FKBP5: variants seen among roughly 807,000 people sequenced by gnomAD.
FKBP5 encodes the protein FKBP prolyl isomerase 5, also known as peptidyl-prolyl cis-trans isomerase FKBP5.
A neutral mutation model predicts 50.5 loss-of-function variants in FKBP5; 23 were observed. The ratio of observed to expected loss-of-function variants is 0.46; its 90% confidence interval spans 0.33 to 0.65. FKBP5 has a LOEUF of 0.65. Among genes scored for constraint, FKBP5 ranks in the 30% least tolerant of loss-of-function variants. The probability of loss-of-function intolerance (pLI) is 0.02; values close to 1 mark genes in which losing one functional copy is unlikely to be tolerated. For missense variants in FKBP5, 411 were observed against 553.1 expected, an observed-to-expected ratio of 0.74 and a Z score of 2.58; for synonymous variants, 176 against 190.6, an observed-to-expected ratio of 0.92 and a Z score of 0.63.
chr6:35,679,134 G>C (rs1043158873), intron 1 of FKBP5, among the ~76,000 whole-genome samples: 1 of 152,164 alleles, frequency 6.6e-6, no homozygotes, highest in Non-Finnish European at 1.5e-5. Context: ...AATGAATCTG[G>C]GGAATGGGTA....
At chr6:35,689,352 C>A (rs1027263595), upstream of FKBP5, among the ~76,000 whole-genome samples, 108 of 152,306 alleles carry the variant, frequency 7.1e-4, no homozygotes, top group African/African-American at 2.4e-3. Context: ...GTTAGGTCAG[C>A]TGGCCAGGTT....
intron 3 of FKBP5, among the ~76,000 whole-genome samples, chr6:35,629,717 T>C (rs1472879083): frequency 3.9e-5 from 6 of 152,168 alleles, no homozygotes; most frequent in African/African-American, 1.2e-4. Flanking sequence ...CGAATTTAAA[T>C]GGAGTGAGAA....
intron 5 of FKBP5, among the ~76,000 whole-genome samples, chr6:35,612,045 T>C (rs185197212): frequency 6.6e-6 from 1 of 152,252 alleles, no homozygotes; most frequent in East Asian, 1.9e-4. Context: ...CTAATAACCA[T>C]GGTAGGTAGA....
intron 3 of FKBP5, among the ~76,000 whole-genome samples, chr6:35,625,324 G>T (rs1334684501): frequency 1.3e-5 from 2 of 151,984 alleles, no homozygotes; most frequent in Non-Finnish European, 2.9e-5. Flanking sequence ...ACCTCAAGTG[G>T]TCTGCCCACC....
At chr6:35,728,339 G>T (rs1043028761) in intron 1 of FKBP5, among the ~76,000 whole-genome samples, 1 of 152,156 alleles carries the variant, frequency 6.6e-6, no homozygotes, top group East Asian at 1.9e-4. Context: ...CACGTGGCCG[G>T]TTTGCGCATC....
At chr6:35,609,518 C>A (rs1376435278) in intron 5 of FKBP5, among the ~76,000 whole-genome samples, 3 of 152,164 alleles carry the variant, frequency 2.0e-5, no homozygotes, top group Non-Finnish European at 4.4e-5. Context: ...GGGTGAAAAA[C>A]CACTCCTTCC....
At chr6:35,699,473 C>T (rs959964498) in intron 2 of FKBP5, among the ~76,000 whole-genome samples, 6 of 152,198 alleles carry the variant, frequency 3.9e-5, no homozygotes, top group Non-Finnish European at 7.3e-5. Context: ...TACTCTCTAT[C>T]ACAGTCCATC....
intron 8 of FKBP5, chr6:35,580,971 C>T (rs1289085302): frequency 1.0e-6 from 1 of 985,186 alleles, no homozygotes; most frequent in East Asian, 1.1e-4. Flanking sequence ...GTTCCAAACA[C>T]AGCCAATCCT....
chr6:35,593,699 C>T (rs1021322657), intron 6 of FKBP5, among the ~76,000 whole-genome samples: 1 of 152,104 alleles, frequency 6.6e-6, no homozygotes, highest in Non-Finnish European at 1.5e-5. Flanking sequence ...GAATTACAGG[C>T]ATGCACCACC....
At chr6:35,668,017 G>T (rs1015283350) in intron 1 of FKBP5, among the ~76,000 whole-genome samples, 3 of 152,046 alleles carry the variant, frequency 2.0e-5, no homozygotes, top group African/African-American at 7.2e-5. Context: ...AATTAGCTAA[G>T]AACATTCAAA....
At chr6:35,703,444 T>C (rs1430829641) in intron 2 of FKBP5, among the ~76,000 whole-genome samples, 1 of 152,028 alleles carries the variant, frequency 6.6e-6, no homozygotes, top group African/African-American at 2.4e-5. Context: ...TCCCAACACA[T>C]AGAAATGATA....
intron 2 of FKBP5, among the ~76,000 whole-genome samples, chr6:35,701,203 T>G (rs1045919848): frequency 3.9e-4 from 58 of 146,986 alleles, no homozygotes; most frequent in African/African-American, 1.3e-3. Context: ...AGTGCTGTGT[T>G]TTTGTTTGTT....
chr6:35,587,182 G>C, intron 7 of FKBP5, 65 bp from the exon 8 acceptor site: 1 of 1,393,362 alleles, frequency 7.2e-7, no homozygotes, highest in East Asian at 2.3e-5. Flanking sequence ...AGGCCTATTG[G>C]AACAAAGAGC....
At chr6:35,576,961 G>T (rs746377759) in intron 10 of FKBP5, 33 bp downstream of exon 10, 1 of 1,607,406 alleles carries the variant, frequency 6.2e-7, no homozygotes, top group South Asian at 1.1e-5. Context: ...TCAGGCTCTT[G>T]ATCCACCTGC....
At chr6:35,708,138 A>C (rs541993555) in intron 2 of FKBP5, among the ~76,000 whole-genome samples, 1 of 152,370 alleles carries the variant, frequency 6.6e-6, no homozygotes, top group East Asian at 1.9e-4. Context: ...AAATATTCCC[A>C]TATATGCCAA....
intron 2 of FKBP5, among the ~76,000 whole-genome samples, chr6:35,694,580 C>A (rs976993380): frequency 2.0e-5 from 3 of 152,174 alleles, no homozygotes; most frequent in Non-Finnish European, 2.9e-5. Context: ...TTTGCTGCTA[C>A]CAGGCATCTA....
chr6:35,663,830 T>C (rs1455229699), intron 1 of FKBP5, among the ~76,000 whole-genome samples: 2 of 152,200 alleles, frequency 1.3e-5, no homozygotes. Context: ...TTTCCTCCAG[T>C]GTATTTATAG....
intron 5 of FKBP5, among the ~76,000 whole-genome samples, chr6:35,607,049 T>C (rs1479325190): frequency 1.3e-5 from 2 of 152,190 alleles, no homozygotes; most frequent in East Asian, 3.9e-4. Flanking sequence ...CAAGCAATTC[T>C]GCCTCAGCCT....
chr6:35,724,757 G>GA (rs766503491), intron 1 of FKBP5, among the ~76,000 whole-genome samples: 9,174 of 119,268 alleles, frequency 0.077, 671 homozygotes, highest in African/African-American at 0.21. Flanking sequence ...CCTTGTCTCA[G>GA]AAAAAAAAAA....
Sources: gnomAD v4.1 joint callset for allele counts (sites outside exome capture counted in the v4.1 genomes callset) on GRCh38, gnomAD v4.1.1 for gene constraint, MANE v1.5 for transcripts, NCBI Gene and HGNC (gene_info 2026-07-23, HGNC 2026-07-21) for gene names.